RIMS1: variants seen among roughly 807,000 people sequenced by gnomAD.
RIMS1 encodes the protein regulating synaptic membrane exocytosis protein 1.
RIMS1 carries 83 observed loss-of-function variants against 214.1 expected under a neutral mutation model. That is an observed-to-expected ratio of 0.39 (90% confidence interval 0.32 to 0.47). The LOEUF is 0.47. Among genes scored for constraint, RIMS1 ranks in the 20% least tolerant of loss-of-function variants. The pLI is 0.99. For missense variants in RIMS1, 2,050 were observed against 2,161.8 expected, an observed-to-expected ratio of 0.95 and a Z score of 1.03; for synonymous variants, 793 against 786.8, an observed-to-expected ratio of 1.01 and a Z score of -0.13.
chr6:72,344,282 T>C (rs1488853689), intron 29 of RIMS1, among the ~76,000 whole-genome samples: 1 of 151,828 alleles, frequency 6.6e-6, no homozygotes, highest in African/African-American at 2.4e-5. Context: ...TCTCTGGTAA[T>C]TTTAAGTCTG....
chr6:71,903,690 CTTCG>C (rs1774422861), intron 1 of RIMS1, among the ~76,000 whole-genome samples: 1 of 151,716 alleles, frequency 6.6e-6, no homozygotes, highest in Non-Finnish European at 1.5e-5. Context: ...CTTAAACTGA[CTTCG>C]TTTGAGTAGG....
At chr6:72,127,411 G>A (rs919136503) in intron 4 of RIMS1, among the ~76,000 whole-genome samples, 2 of 152,078 alleles carry the variant, frequency 1.3e-5, no homozygotes, top group Non-Finnish European at 2.9e-5. Context: ...TGTACATAAA[G>A]TTATTTAAAT....
chr6:72,320,659 T>C (rs1004227205), intron 28 of RIMS1, among the ~76,000 whole-genome samples: 2 of 152,048 alleles, frequency 1.3e-5, no homozygotes, highest in Non-Finnish European at 2.9e-5. Context: ...TATATTGGTC[T>C]TAGTTGGTCT....
chr6:71,917,545 A>AATT (rs1483448260), intron 1 of RIMS1, among the ~76,000 whole-genome samples: 1 of 152,142 alleles, frequency 6.6e-6, no homozygotes, highest in Non-Finnish European at 1.5e-5. Flanking sequence ...TAAGAGACTA[A>AATT]AGAAGAGGGA....
intron 10 of RIMS1, among the ~76,000 whole-genome samples, chr6:72,244,219 A>G (rs553178189): frequency 1.3e-5 from 2 of 151,862 alleles, no homozygotes; most frequent in South Asian, 2.1e-4. Context: ...CACCAAATAC[A>G]ATATCCTTGA....
intron 25 of RIMS1, among the ~76,000 whole-genome samples, chr6:72,291,469 A>G (rs1340043749): frequency 1.3e-5 from 2 of 152,198 alleles, no homozygotes; most frequent in Non-Finnish European, 2.9e-5. Context: ...GTGAGTGGTA[A>G]TTTATAAAAG....
intron 29 of RIMS1, among the ~76,000 whole-genome samples, chr6:72,368,790 TG>T (rs2154398611): frequency 6.6e-6 from 1 of 152,198 alleles, no homozygotes; most frequent in African/African-American, 2.4e-5. Context: ...GAGTAGTTCA[TG>T]GTCAATTATT....
intron 24 of RIMS1, among the ~76,000 whole-genome samples, chr6:72,286,371 T>C (rs1465992314): frequency 1.3e-5 from 2 of 152,218 alleles, no homozygotes; most frequent in African/African-American, 2.4e-5. Flanking sequence ...CATCTGCCTT[T>C]GCAACTCTGA....
chr6:72,293,953 G>A (rs1320228552), intron 26 of RIMS1, among the ~76,000 whole-genome samples: 3 of 151,554 alleles, frequency 2.0e-5, no homozygotes, highest in East Asian at 3.9e-4. Flanking sequence ...GGTTATTTGA[G>A]TTTCCTGAAA....
chr6:72,214,033 T>A (rs1459306230), intron 6 of RIMS1, among the ~76,000 whole-genome samples: 1 of 152,106 alleles, frequency 6.6e-6, no homozygotes, highest in Non-Finnish European at 1.5e-5. Context: ...ATAGAAGGAT[T>A]TTTTCTACTT....
At chr6:72,023,314 TA>T (rs34965252) in intron 2 of RIMS1, among the ~76,000 whole-genome samples, 2 of 152,142 alleles carry the variant, frequency 1.3e-5, no homozygotes, top group African/African-American at 4.8e-5. Context: ...GTGTTGTAAA[TA>T]AATAGCACAG....
chr6:71,920,572 A>C (rs2150746572), intron 1 of RIMS1, among the ~76,000 whole-genome samples: 1 of 152,286 alleles, frequency 6.6e-6, no homozygotes, highest in East Asian at 1.9e-4. Context: ...ATGTAGGTAA[A>C]ATTTAATTAG....
rs1180712949 is a variant in RIMS1 at position 72,162,843 on chromosome 6, G to A, written c.472-16732G>A. ...ACATTTTTTCCTTCATTTCAACTTT[G>A]GTGAATCTGACAATTATGTGTCTTG... is the stretch of plus-strand genomic sequence containing the variant. On this transcript the variant is annotated intron_variant, in intron 4 of 33. Coordinates refer to ENST00000521978, the MANE Select transcript of RIMS1 (RefSeq NM_014989.7). Among the ~76,000 whole-genome samples the A allele has an allele frequency of 2.2e-5, 3 of 139,310 alleles. 1 individual carries two copies. Among genetic ancestry groups the A allele is most frequent in the Non-Finnish European group, 4.9e-5 (3 of 61,374 alleles). 91.4% of individuals were successfully genotyped at this position (139,310 alleles called of 152,430 possible).
Position 72,121,179 on chromosome 6 carries a change from A to G in RIMS1, c.471+21193A>G, listed in dbSNP as rs186107093. ...AAGAACTTCAAAGTAGTTTTTTCCA[A>G]TTCTGTGAAGAAAATCATTGGTAGC... On this transcript the variant is annotated intron_variant, in intron 4 of 33. Transcript: ENST00000521978. 8.6e-5 allele frequency among the ~76,000 whole-genome samples: 13 copies of G among 151,950 alleles called. 1 individual carries two copies. Among genetic ancestry groups the G allele is most frequent in the Admixed American group, 7.2e-4 (11 of 15,236 alleles).
chr6:72,264,360 A>G (rs12211702), intron 19 of RIMS1, among the ~76,000 whole-genome samples: 16,093 of 152,190 alleles, frequency 0.11, 954 homozygotes, highest in East Asian at 0.15. Flanking sequence ...TCTGGTTTGC[A>G]TCTAATGCCT....
At position 72,325,710 on chromosome 6, in the gene RIMS1, A is replaced by G. The variant is rs75681222; in HGVS notation, c.4131-7890A>G. Among the ~76,000 whole-genome samples the G allele has an allele frequency of 5.1e-3, 777 of 151,958 alleles. 5 individuals are homozygous for G. The highest frequency in any genetic ancestry group is 0.017 in the African/African-American group (715 of 41,522). On this transcript the variant is annotated intron_variant, in intron 28 of 33. Coordinates refer to ENST00000521978, the MANE Select transcript of RIMS1 (RefSeq NM_014989.7). The stretch of plus-strand genomic sequence containing the variant: ...CTACTTATAGCTTCACATAAAACTC[A>G]ACACATGTATGTGTGTGGGAATGAG...
chr6:72,341,920 A>T (rs2097107051), intron 29 of RIMS1, among the ~76,000 whole-genome samples: 1 of 151,816 alleles, frequency 6.6e-6, no homozygotes, highest in South Asian at 2.1e-4. Context: ...GTTGATGTTT[A>T]TATTCTAATT....
chr6:72,075,258 CA>C (rs541950981), intron 2 of RIMS1, among the ~76,000 whole-genome samples: 62 of 151,938 alleles, frequency 4.1e-4, no homozygotes, highest in African/African-American at 1.4e-3. Flanking sequence ...ATTAAAAAAA[CA>C]AAACAAAACA....
chr6:71,896,635 T>G (rs186388265), intron 1 of RIMS1, among the ~76,000 whole-genome samples: 1 of 152,196 alleles, frequency 6.6e-6, no homozygotes, highest in Non-Finnish European at 1.5e-5. Context: ...AAATATGACA[T>G]ACGCACTTTG....
Sources: allele counts gnomAD v4.1 joint callset (sites outside exome capture counted in the v4.1 genomes callset), GRCh38; gene constraint gnomAD v4.1.1; transcripts MANE v1.5; gene names NCBI Gene and HGNC (gene_info 2026-07-23, HGNC 2026-07-21).